CCSER1: variants seen among roughly 807,000 people sequenced by gnomAD.
The protein encoded by CCSER1 is coiled-coil serine rich protein 1, also known as serine-rich coiled-coil domain-containing protein 1.
A neutral mutation model predicts 82.0 loss-of-function variants in CCSER1; 41 were observed. That is an observed-to-expected ratio of 0.50 (90% confidence interval 0.39 to 0.65). CCSER1 has a LOEUF of 0.65. Among genes scored for constraint, CCSER1 ranks in the 30% least tolerant of loss-of-function variants. The pLI is 0.00. For missense variants in CCSER1, 1,119 were observed against 1,064.2 expected (o/e 1.05, Z -0.72); for synonymous variants, 414 against 383.9 (o/e 1.08, Z -0.92).
At chr4:91,420,575 C>G (rs1391323921) in intron 10 of CCSER1, among the ~76,000 whole-genome samples, 1 of 151,928 alleles carries the variant, frequency 6.6e-6, no homozygotes, top group Non-Finnish European at 1.5e-5. Context: ...AGCAGGGAAC[C>G]CTTATATGAT....
At chr4:91,344,680 G>C (rs1016879666) in intron 10 of CCSER1, among the ~76,000 whole-genome samples, 8 of 151,562 alleles carry the variant, frequency 5.3e-5, no homozygotes, top group Admixed American at 2.6e-4. Flanking sequence ...GATTCTATTT[G>C]AAGAAATAGT....
intron 1 of CCSER1, among the ~76,000 whole-genome samples, chr4:90,151,993 A>G (rs879848438): frequency 2.0e-5 from 3 of 152,230 alleles, no homozygotes; most frequent in Non-Finnish European, 4.4e-5. Context: ...TATTAAGTAA[A>G]GGAATCACCA....
intron 10 of CCSER1, among the ~76,000 whole-genome samples, chr4:91,557,254 T>C (rs770695229): frequency 6.6e-6 from 1 of 151,440 alleles, no homozygotes; most frequent in African/African-American, 2.4e-5. Context: ...TTCTGTAAAA[T>C]TGTAAAATTC....
chr4:90,508,664 AT>A (rs1771053229), intron 5 of CCSER1, among the ~76,000 whole-genome samples: 1 of 152,066 alleles, frequency 6.6e-6, no homozygotes, highest in Non-Finnish European at 1.5e-5. Flanking sequence ...AAGTAATTTT[AT>A]TGCCTCCTTC....
At chr4:90,983,497 C>A (rs181546404) in intron 9 of CCSER1, among the ~76,000 whole-genome samples, 14 of 151,788 alleles carry the variant, frequency 9.2e-5, no homozygotes, top group African/African-American at 2.7e-4. Context: ...CTTTCGTGGA[C>A]TCTCTCCAGA....
chr4:91,156,552 TTAAAA>T (rs1438434111), intron 10 of CCSER1, among the ~76,000 whole-genome samples: 1 of 151,444 alleles, frequency 6.6e-6, no homozygotes, highest in African/African-American at 2.4e-5. Context: ...AAATTAAAAA[TTAAAA>T]TTATTAAGTT....
intron 8 of CCSER1, among the ~76,000 whole-genome samples, chr4:90,876,314 A>G (rs1376516016): frequency 6.6e-6 from 1 of 152,096 alleles, no homozygotes; most frequent in African/African-American, 2.4e-5. Context: ...ATTCTAACCC[A>G]TAATAATTAG....
intron 3 of CCSER1, among the ~76,000 whole-genome samples, chr4:90,321,995 C>T (rs1321058300): frequency 1.3e-5 from 2 of 152,000 alleles, no homozygotes; most frequent in Non-Finnish European, 2.9e-5. Flanking sequence ...GATGTGATCC[C>T]ATTTTTCCAT....
chr4:90,733,513 T>C (rs1157145967), intron 7 of CCSER1, among the ~76,000 whole-genome samples: 1 of 152,184 alleles, frequency 6.6e-6, no homozygotes, highest in African/African-American at 2.4e-5. Context: ...TCCTTTGTTG[T>C]GCAAAAGCTT....
chr4:91,231,804 C>A (rs1005331249), intron 10 of CCSER1, among the ~76,000 whole-genome samples: 4 of 151,532 alleles, frequency 2.6e-5, no homozygotes, highest in African/African-American at 7.3e-5. Context: ...CAGATACAAA[C>A]GAAAAAGAAG....
chr4:90,644,295 C>G (rs536052094), intron 6 of CCSER1, among the ~76,000 whole-genome samples: 1 of 151,992 alleles, frequency 6.6e-6, no homozygotes, highest in Non-Finnish European at 1.5e-5. Flanking sequence ...CACAACCTAA[C>G]GATAATTTTA....
At chr4:90,789,901 G>A (rs1755007280) in intron 7 of CCSER1, among the ~76,000 whole-genome samples, 1 of 151,996 alleles carries the variant, frequency 6.6e-6, no homozygotes, top group Non-Finnish European at 1.5e-5. Context: ...ATTTTATAAG[G>A]AACATTTCAA....
intron 10 of CCSER1, among the ~76,000 whole-genome samples, chr4:91,366,174 C>T (rs1749600788): frequency 6.6e-6 from 1 of 152,012 alleles, no homozygotes; most frequent in Admixed American, 6.6e-5. Context: ...GCACCACCTC[C>T]ACGCCCAGCT....
intron 5 of CCSER1, among the ~76,000 whole-genome samples, chr4:90,510,580 A>G (rs1484914744): frequency 6.6e-6 from 1 of 152,200 alleles, no homozygotes; most frequent in African/African-American, 2.4e-5. Flanking sequence ...CCATGACACT[A>G]TTGCAATCAA....
At chr4:90,933,785 C>T (rs1730580628) in intron 9 of CCSER1, among the ~76,000 whole-genome samples, 1 of 151,386 alleles carries the variant, frequency 6.6e-6, no homozygotes, top group Non-Finnish European at 1.5e-5. Context: ...TACATGTCTT[C>T]ATATATGTTT....
chr4:90,703,046 T>A (rs563314450), intron 6 of CCSER1, among the ~76,000 whole-genome samples: 3 of 152,174 alleles, frequency 2.0e-5, no homozygotes, highest in Non-Finnish European at 4.4e-5. Flanking sequence ...GCTTCTCTAG[T>A]TGTTTTAATT....
rs1770970074 is a variant in CCSER1, at chr4:90,508,150, A to C, written c.1724+39796A>C. 2.0e-5 allele frequency among the ~76,000 whole-genome samples: 3 copies of C among 152,174 alleles called. No homozygotes were observed. In the South Asian group the frequency reaches 6.2e-4, roughly 32 times the overall value. On this transcript the variant is annotated intron_variant, in intron 5 of 10. Transcript: ENST00000509176. The stretch of plus-strand genomic sequence containing the variant: ...CTGGGAAAGTAATGGATGCACAAGA[A>C]TTTTTAGGATTTTGGAAAAATTGTA...
intron 10 of CCSER1, among the ~76,000 whole-genome samples, chr4:91,461,800 A>G (rs1756517251): frequency 6.6e-6 from 1 of 152,208 alleles, no homozygotes; most frequent in South Asian, 2.1e-4. Context: ...CTATTTTTGT[A>G]CAAATGATTA....
intron 10 of CCSER1, among the ~76,000 whole-genome samples, chr4:91,557,489 G>T (rs2110241990): frequency 6.6e-6 from 1 of 151,416 alleles, no homozygotes; most frequent in East Asian, 1.9e-4. Context: ...TACTTTCAGA[G>T]AATTGATACA....
Sources: allele counts gnomAD v4.1 joint callset (sites outside exome capture counted in the v4.1 genomes callset), GRCh38; gene constraint gnomAD v4.1.1; transcripts MANE v1.5; gene names NCBI Gene and HGNC (gene_info 2026-07-23, HGNC 2026-07-21).